ITPR2: variants seen among roughly 807,000 people sequenced by gnomAD.
The protein encoded by ITPR2 is inositol 1,4,5-trisphosphate receptor type 2.
A neutral mutation model predicts 317.1 loss-of-function variants in ITPR2; 207 were observed. The ratio of observed to expected loss-of-function variants is 0.65; its 90% CI spans 0.58 to 0.73. The LOEUF (loss-of-function observed/expected upper bound fraction) is 0.73. Among genes scored for constraint, ITPR2 ranks in the 30% least tolerant of loss-of-function variants. ITPR2 has a pLI of 0.00. For missense variants in ITPR2, 2,613 were observed against 3,284.0 expected (o/e 0.80, Z 4.99); for synonymous variants, 1,156 against 1,149.1 (o/e 1.01, Z -0.12).
chr12:26,726,830 G>A (rs1948934478), intron 2 of ITPR2, among the ~76,000 whole-genome samples: 1 of 152,064 alleles, frequency 6.6e-6, no homozygotes, highest in Admixed American at 6.5e-5. Flanking sequence ...TGGCATAAAT[G>A]ATCAAGAAAT....
chr12:26,594,591 A>T (rs1945794261), intron 32 of ITPR2, among the ~76,000 whole-genome samples: 1 of 152,218 alleles, frequency 6.6e-6, no homozygotes, highest in Non-Finnish European at 1.5e-5. Flanking sequence ...AAAGGGGCTG[A>T]GTCCAGCCAC....
At chr12:26,681,179 T>C (rs779175597) in intron 13 of ITPR2, among the ~76,000 whole-genome samples, 8 of 152,206 alleles carry the variant, frequency 5.3e-5, no homozygotes, top group Non-Finnish European at 1.0e-4. Context: ...GTATTAACTA[T>C]GCAGCTTTAC....
At position 26,514,012 on chromosome 12, in the gene ITPR2, T is replaced by C. The variant is rs184058935; in HGVS notation, c.5074-18752A>G. 3.3e-5 allele frequency among the ~76,000 whole-genome samples: 5 copies of C among 152,350 alleles called. No individual in the cohort carries two copies. In the East Asian group the frequency reaches 9.6e-4, roughly 29 times the overall value. On this transcript the variant is annotated intron_variant, in intron 37 of 56. Coordinates refer to ENST00000381340, the MANE Select transcript of ITPR2 (RefSeq NM_002223.4). ...TTCACAATGATGGCTGAAGGATTAA[T>C]AAGCCTCCTTAGAAATCTGTCAATT...
chr12:26,767,600 A>G lies in ITPR2; in HGVS notation c.163+22557T>C, dbSNP rs146880084. Among the ~76,000 whole-genome samples, 1,261 of 152,270 alleles carry G rather than the reference A, an allele frequency of 8.3e-3. 6 individuals are homozygous for G. Among genetic ancestry groups the G allele is most frequent in the Middle Eastern group, 0.017 (5 of 294 alleles). On this transcript the variant is annotated intron_variant, in intron 2 of 56. Coordinates refer to ENST00000381340, the MANE Select transcript of ITPR2 (RefSeq NM_002223.4). ...TTTTGTTATGTATCTTTAGAGAGACAGACAAATTTGCCAAAGTGTACACTT... is the reference window on the plus strand; with the variant it reads ...TTTTGTTATGTATCTTTAGAGAGACGGACAAATTTGCCAAAGTGTACACTT...
chr12:26,587,336 A>G (rs1052393787), intron 32 of ITPR2, among the ~76,000 whole-genome samples: 2 of 151,748 alleles, frequency 1.3e-5, no homozygotes, highest in Non-Finnish European at 2.9e-5. Flanking sequence ...TATGGAGAAA[A>G]ATGAAGCAAG....
chr12:26,465,799 G>A (rs562124935), intron 45 of ITPR2, among the ~76,000 whole-genome samples: 29 of 152,038 alleles, frequency 1.9e-4, no homozygotes, highest in Middle Eastern at 3.4e-3. Flanking sequence ...TCCGTATCCC[G>A]TGCATTCCCT....
intron 55 of ITPR2, among the ~76,000 whole-genome samples, chr12:26,351,623 C>A (rs1357713134): frequency 6.6e-6 from 1 of 152,090 alleles, no homozygotes; most frequent in Non-Finnish European, 1.5e-5. Context: ...CCACTATACT[C>A]CAGCCTGGGT....
chr12:26,639,577 G>A (rs1044680617), intron 21 of ITPR2, among the ~76,000 whole-genome samples: 14 of 151,230 alleles, frequency 9.3e-5, no homozygotes, highest in Non-Finnish European at 1.8e-4. Flanking sequence ...CCAGTAACTC[G>A]TCATTTAACA....
intron 2 of ITPR2, among the ~76,000 whole-genome samples, chr12:26,771,088 G>T (rs1054832264): frequency 1.3e-5 from 2 of 152,112 alleles, no homozygotes; most frequent in Non-Finnish European, 2.9e-5. Flanking sequence ...AATCCAAGGC[G>T]ATCTCATCTC....
chr12:26,585,002 A>G (rs1945488987), intron 32 of ITPR2, among the ~76,000 whole-genome samples: 1 of 152,206 alleles, frequency 6.6e-6, no homozygotes, highest in African/African-American at 2.4e-5. Context: ...TCATCAGCTC[A>G]TACACTCAAC....
chr12:26,702,395 T>A (rs1357391417), intron 9 of ITPR2, among the ~76,000 whole-genome samples: 1 of 80,626 alleles, frequency 1.2e-5, no homozygotes, highest in South Asian at 5.4e-4. Flanking sequence ...GGTTTGGTTT[T>A]TGGGGGCGGG....
intron 55 of ITPR2, among the ~76,000 whole-genome samples, chr12:26,351,156 T>C (rs879858811): frequency 1.3e-5 from 2 of 152,148 alleles, no homozygotes; most frequent in Non-Finnish European, 2.9e-5. Flanking sequence ...GCTGGGAGGC[T>C]CTGGGGACGG....
chr12:26,651,700 C>T (rs1466509), intron 21 of ITPR2, among the ~76,000 whole-genome samples: 98,477 of 152,060 alleles, frequency 0.65, 32,251 homozygotes, highest in East Asian at 0.89. Flanking sequence ...ATAGTGATAC[C>T]GATGACATTT....
At chr12:26,552,493 G>A (rs977700560) in intron 36 of ITPR2, among the ~76,000 whole-genome samples, 2 of 152,174 alleles carry the variant, frequency 1.3e-5, no homozygotes, top group African/African-American at 4.8e-5. Context: ...AATGGTGACA[G>A]TTTAAAATGA....
intron 24 of ITPR2, among the ~76,000 whole-genome samples, chr12:26,622,999 A>G (rs780362517): frequency 6.6e-6 from 1 of 152,214 alleles, no homozygotes; most frequent in Non-Finnish European, 1.5e-5. Flanking sequence ...ACCACAAACT[A>G]GTACTATAAT....
At chr12:26,610,947 C>T (rs952375580) in intron 26 of ITPR2, among the ~76,000 whole-genome samples, 4 of 152,220 alleles carry the variant, frequency 2.6e-5, no homozygotes, top group Admixed American at 6.5e-5. Context: ...CCCATCTCCC[C>T]GCACAGGAGT....
rs573722962 is a variant in ITPR2, at chr12:26,777,506, G to A, written c.163+12651C>T. Among the ~76,000 whole-genome samples the A allele has an allele frequency of 5.6e-3, 860 of 152,310 alleles. 8 individuals are homozygous for A. The highest frequency in any genetic ancestry group is 8.4e-3 in the Non-Finnish European group (572 of 68,030). ...GGTAACATTCAACTGTCAGAGGCAC[G>A]GTGGGTGTAACTACCATAATGGAAA... On this transcript the variant is annotated intron_variant, in intron 2 of 56. Coordinates refer to ENST00000381340, the MANE Select transcript of ITPR2 (RefSeq NM_002223.4).
intron 42 of ITPR2, among the ~76,000 whole-genome samples, chr12:26,482,322 T>C (rs1591819251): frequency 6.6e-6 from 1 of 152,358 alleles, no homozygotes; most frequent in East Asian, 1.9e-4. Flanking sequence ...GGGAATTATA[T>C]GTGGGGTTCA....
intron 37 of ITPR2, among the ~76,000 whole-genome samples, chr12:26,510,981 T>C (rs1943331753): frequency 6.6e-6 from 1 of 152,200 alleles, no homozygotes; most frequent in Non-Finnish European, 1.5e-5. Context: ...TACCAAAAAA[T>C]ACATTAAGTA....
Sources: allele counts gnomAD v4.1 joint callset (sites outside exome capture counted in the v4.1 genomes callset), GRCh38; gene constraint gnomAD v4.1.1; transcripts MANE v1.5; gene names NCBI Gene and HGNC (gene_info 2026-07-23, HGNC 2026-07-21).